MED13: variants seen among roughly 807,000 people sequenced by gnomAD.
MED13 encodes mediator of RNA polymerase II transcription subunit 13.
In MED13, 23 loss-of-function variants were observed where a neutral mutation model predicts 225.2. The ratio of observed to expected loss-of-function variants is 0.10; its 90% CI spans 0.07 to 0.14. The LOEUF is 0.14. Among genes scored for constraint, MED13 ranks in the 10% least tolerant of loss-of-function variants. The pLI is 1.00. For missense variants in MED13, 2,197 were observed against 2,594.5 expected (o/e 0.85, Z 3.33); for synonymous variants, 942 against 889.2 (o/e 1.06, Z -1.06).
chr17:62,065,101 G>A (rs2081070999), intron 1 of MED13, 39 bp downstream of exon 1: 4 of 1,508,380 alleles, frequency 2.7e-6, no homozygotes, highest in Non-Finnish European at 3.6e-6. Context: ...CGCACCTCGC[G>A]GCCCCCCTCC....
At chr17:62,019,924 T>G (rs2143633749) in intron 8 of MED13, among the ~76,000 whole-genome samples, 2 of 152,014 alleles carry the variant, frequency 1.3e-5, no homozygotes, top group South Asian at 4.2e-4. Context: ...TTTTGTATTT[T>G]TAGTAGAAAC....
In MED13 at chr17:61,987,890, G is replaced by A. The variant is rs1051576025; in HGVS notation, c.2264-762C>T. ...CCCCAGTAGCTGGGACTACAGGCAC[G>A]TGACCCTATGCCCAGTTAATTTTTT... is the stretch of plus-strand genomic sequence containing the variant. On this transcript the variant is annotated intron_variant, in intron 11 of 29. Transcript: ENST00000397786. 3.3e-5 allele frequency among the ~76,000 whole-genome samples: 5 copies of A among 151,728 alleles called. No individual in the cohort carries two copies. The East Asian group carries it at 5.8e-4, about 18-fold the overall frequency.
At chr17:62,043,156 C>CAAAAAAAAAAAAAAAAAAAAA (rs764530614) in intron 3 of MED13, among the ~76,000 whole-genome samples, 10 of 31,668 alleles carry the variant, frequency 3.2e-4, no homozygotes, top group Non-Finnish European at 3.9e-4. Context: ...ACCCTGTCTC[C>CAAAAAAAAAAAAAAAAAAAAA]AAAAAAAAAA....
chr17:61,981,953 A>G (rs1217381775), intron 16 of MED13, among the ~76,000 whole-genome samples: 1 of 152,236 alleles, frequency 6.6e-6, no homozygotes, highest in African/African-American at 2.4e-5. Flanking sequence ...TAATAAATAT[A>G]TGGAATGTGC....
At chr17:62,033,200 T>C (rs1243888341) in intron 5 of MED13, among the ~76,000 whole-genome samples, 1 of 152,052 alleles carries the variant, frequency 6.6e-6, no homozygotes, top group Non-Finnish European at 1.5e-5. Flanking sequence ...TATAAAAAAA[T>C]CTGACCCTTT....
At chr17:62,051,954 T>A (rs1459710034) in intron 3 of MED13, among the ~76,000 whole-genome samples, 2 of 152,230 alleles carry the variant, frequency 1.3e-5, no homozygotes, top group Non-Finnish European at 2.9e-5. Context: ...AGGAGGTATC[T>A]ATCATAAGTC....
chr17:61,994,733 G>A (rs892994942), intron 10 of MED13, among the ~76,000 whole-genome samples: 7 of 151,960 alleles, frequency 4.6e-5, no homozygotes, highest in African/African-American at 9.7e-5. Flanking sequence ...TTTTTGAGAC[G>A]GAGTCTCGCT....
chr17:62,050,643 G>C (rs1258704460), intron 3 of MED13, among the ~76,000 whole-genome samples: 2 of 152,156 alleles, frequency 1.3e-5, no homozygotes, highest in African/African-American at 4.8e-5. Flanking sequence ...TCTATTCATT[G>C]GGGCTCAGGA....
intron 3 of MED13, among the ~76,000 whole-genome samples, chr17:62,040,392 T>C (rs898097191): frequency 6.6e-5 from 10 of 152,128 alleles, no homozygotes; most frequent in African/African-American, 2.4e-4. Flanking sequence ...ACTTGAACAA[T>C]CTTCCATCGT....
At chr17:61,952,942 A>C (rs1398006283) in intron 27 of MED13, 23 bp downstream of exon 27, 6 of 1,605,698 alleles carry the variant, frequency 3.7e-6, no homozygotes, top group African/African-American at 1.3e-5. Flanking sequence ...GCCGAGAAAA[A>C]CTAAAACTTG....
chr17:61,960,841 T>C (rs770327507), intron 23 of MED13, 26 bp downstream of exon 23: 2 of 1,448,720 alleles, frequency 1.4e-6, no homozygotes, highest in South Asian at 2.4e-5. Context: ...TGGAATGATA[T>C]GATATATTTA....
At chr17:61,979,856 A>C (rs981212020) in intron 16 of MED13, among the ~76,000 whole-genome samples, 8 of 152,082 alleles carry the variant, frequency 5.3e-5, no homozygotes, top group African/African-American at 1.7e-4. Context: ...TTTTCACCTT[A>C]ATGTATCGAA....
chr17:62,005,191 G>C (rs555942415), intron 9 of MED13: 1 of 151,348 alleles, frequency 6.6e-6, no homozygotes, highest in Non-Finnish European at 1.5e-5. Context: ...ACCACGCCCA[G>C]CCCTAAGATA....
At position 62,031,489 on chromosome 17, in the gene MED13, A is replaced by G. The variant is rs376659403; in HGVS notation, c.964T>C (p.Ser322Pro). 1.2e-6 allele frequency: 2 copies of G among 1,613,636 alleles called. No individual in the cohort carries two copies. Among genetic ancestry groups the G allele is most frequent in the African/African-American group, 2.7e-5 (2 of 74,918 alleles). Reference sequence around the variant, plus strand: ...GACGTAGGTGGTGTAAGCGTAACCGAAGACATAGCAGGATCTCTTGTGGAA... The same window carrying G: ...GACGTAGGTGGTGTAAGCGTAACCGGAGACATAGCAGGATCTCTTGTGGAA... ...PASTRDPAMSSVTLTPPTSPE... is the reference protein window; with the variant it reads ...PASTRDPAMSPVTLTPPTSPE... Residue 322 changes from serine to proline, a missense_variant, in exon 6 of 30, where the codon TCG (serine) becomes CCG (proline). Ser to Pro is a moderately conservative substitution (Grantham distance 74, BLOSUM62 -1). Transcript: ENST00000397786.
At chr17:61,986,226 A>G (rs2080246484) in intron 12 of MED13, among the ~76,000 whole-genome samples, 1 of 152,204 alleles carries the variant, frequency 6.6e-6, no homozygotes, top group South Asian at 2.1e-4. Context: ...AAGTTTATGT[A>G]TCTGCAATAT....
At chr17:62,021,245 T>A (rs2080641063) in intron 8 of MED13, among the ~76,000 whole-genome samples, 1 of 150,664 alleles carries the variant, frequency 6.6e-6, no homozygotes, top group Admixed American at 6.6e-5. Context: ...GAGGGGCTCC[T>A]CACTTCCCAG....
At chr17:62,048,449 G>GA (rs1475189621) in intron 3 of MED13, among the ~76,000 whole-genome samples, 2 of 143,128 alleles carry the variant, frequency 1.4e-5, no homozygotes, top group Non-Finnish European at 3.1e-5. Flanking sequence ...CAGAAGGAAT[G>GA]AAAGTTCAAA....
rs1385561418 is a variant in MED13, at chr17:61,995,141, A to T, written c.2181+11T>A. Reference sequence around the variant, plus strand: ...AACAGTGACCCTTTGGTGTACTGTGATTTCTCTTACCTTGTGTTTTTTTCC... The same window carrying T: ...AACAGTGACCCTTTGGTGTACTGTGTTTTCTCTTACCTTGTGTTTTTTTCC... On this transcript the variant is annotated intron_variant, in intron 10 of 29. Coordinates refer to ENST00000397786, the MANE Select transcript of MED13 (RefSeq NM_005121.3). The T allele has an allele frequency of 4.4e-6, 7 of 1,598,282 alleles. No homozygotes were observed. The South Asian group carries it at 7.7e-5, about 18-fold the overall frequency.
intron 16 of MED13, among the ~76,000 whole-genome samples, chr17:61,981,426 C>A (rs1322731043): frequency 6.6e-6 from 1 of 150,736 alleles, no homozygotes. Context: ...AAAGGCCTTA[C>A]ATGGTCTATA....
Sources: gnomAD v4.1 joint callset for allele counts (sites outside exome capture counted in the v4.1 genomes callset) on GRCh38, gnomAD v4.1.1 for gene constraint, MANE v1.5 for transcripts, NCBI Gene and HGNC (gene_info 2026-07-23, HGNC 2026-07-21) for gene names.